Variants in ZNF487 observed in about 807,000 individuals in gnomAD.
ZNF487 encodes zinc finger protein 487.
In ZNF487, 4 loss-of-function variants were observed where a neutral mutation model predicts 3.0. The ratio of observed to expected loss-of-function variants is 1.35; its 90% CI spans 0.66 to 3.08. The LOEUF (loss-of-function observed/expected upper bound fraction) is 3.08, where lower values mean the gene tolerates loss of function less well. Among genes scored for constraint, ZNF487 ranks in the 30% most tolerant of loss-of-function variants. The pLI is 0.01. For missense variants in ZNF487, 146 were observed against 98.7 expected (o/e 1.48, Z -2.03); for synonymous variants, 55 against 34.6 (o/e 1.59, Z -2.06).
chr10:43,504,425 C>G, the ZNF487 span, among the ~76,000 whole-genome samples: 1 of 150,900 alleles, frequency 6.6e-6, no homozygotes, highest in South Asian at 2.1e-4. Flanking sequence ...TCCCAAGTAG[C>G]TGGGATTGCA....
intron 3 of ZNF487, among the ~76,000 whole-genome samples, chr10:43,477,778 G>A (rs759638977): frequency 1.4e-4 from 21 of 150,892 alleles, no homozygotes; most frequent in Non-Finnish European, 2.5e-4. Flanking sequence ...ATGGTGAAAC[G>A]CCGTCTCTAC....
At chr10:43,515,440 T>C in the ZNF487 span, among the ~76,000 whole-genome samples, 1 of 152,188 alleles carries the variant, frequency 6.6e-6, no homozygotes, top group Non-Finnish European at 1.5e-5. Context: ...ATGTTGCCAC[T>C]ACCAGGGATG....
chr10:43,514,975 C>A, the ZNF487 span, among the ~76,000 whole-genome samples: 5 of 152,226 alleles, frequency 3.3e-5, no homozygotes, highest in Non-Finnish European at 5.9e-5. Flanking sequence ...GCATATCCAG[C>A]TTGCTCACAG....
At chr10:43,441,146 C>G (rs1041518967) in intron 1 of ZNF487, among the ~76,000 whole-genome samples, 2 of 144,976 alleles carry the variant, frequency 1.4e-5, no homozygotes, top group Non-Finnish European at 3.0e-5. Context: ...ACCTCAGCCT[C>G]TCAAAGTGCA....
the ZNF487 span, among the ~76,000 whole-genome samples, chr10:43,494,386 T>C: frequency 6.6e-6 from 1 of 152,176 alleles, no homozygotes; most frequent in Non-Finnish European, 1.5e-5. Context: ...CTGTACAGAA[T>C]GGGGCAGGCC....
intron 3 of ZNF487, among the ~76,000 whole-genome samples, chr10:43,480,735 T>A (rs958062474): frequency 6.6e-6 from 1 of 152,092 alleles, no homozygotes; most frequent in Non-Finnish European, 1.5e-5. Flanking sequence ...TCTCTTTTTT[T>A]TTTTTAATAA....
At chr10:43,465,672 C>T (rs1464947947) in intron 1 of ZNF487, among the ~76,000 whole-genome samples, 8 of 150,648 alleles carry the variant, frequency 5.3e-5, no homozygotes, top group Non-Finnish European at 1.2e-4. Context: ...GATGGGATGG[C>T]GGGCGGGCAG....
At chr10:43,439,268 C>T (rs1268371893) in intron 1 of ZNF487, among the ~76,000 whole-genome samples, 1 of 151,764 alleles carries the variant, frequency 6.6e-6, no homozygotes, top group Non-Finnish European at 1.5e-5. Context: ...GGCATTGTGG[C>T]ATGTGCCTGT....
intron 1 of ZNF487, among the ~76,000 whole-genome samples, chr10:43,449,967 C>T (rs968820639): frequency 1.3e-5 from 2 of 152,146 alleles, no homozygotes; most frequent in African/African-American, 4.8e-5. Flanking sequence ...GTGTGAGCCA[C>T]CATGCCAGGC....
intron 1 of ZNF487, among the ~76,000 whole-genome samples, chr10:43,466,561 C>T (rs1228504018): frequency 1.3e-5 from 2 of 151,142 alleles, no homozygotes; most frequent in South Asian, 2.1e-4. Context: ...CACCACCACA[C>T]CCAGCTAATT....
At chr10:43,504,128 G>A in the ZNF487 span, among the ~76,000 whole-genome samples, 2 of 152,040 alleles carry the variant, frequency 1.3e-5, no homozygotes, top group Non-Finnish European at 2.9e-5. Flanking sequence ...TCAGAAATGT[G>A]TCACTGTCAT....
chr10:43,457,007 T>C (rs1266637876), intron 1 of ZNF487, among the ~76,000 whole-genome samples: 3 of 152,158 alleles, frequency 2.0e-5, no homozygotes, highest in Non-Finnish European at 4.4e-5. Context: ...TGTGGGTGCT[T>C]CCACCATGCT....
In ZNF487 at chr10:43,472,380, C is replaced by T. The variant is rs536835447; in HGVS notation, c.-93-3341C>T. Among the ~76,000 whole-genome samples, 8 of 152,176 alleles carry T rather than the reference C, an allele frequency of 5.3e-5. No individual in the cohort carries two copies. The South Asian group carries it at 1.4e-3, about 28-fold the overall frequency. On this transcript the variant is annotated intron_variant, in intron 1 of 3. Transcript: ENST00000437590. ...GGAATTATTTTTGAACTGTTTTTTT[C>T]TTGTCTTACACATCTTATTTGTCAG...
chr10:43,462,506 A>G (rs1299355199), intron 1 of ZNF487, among the ~76,000 whole-genome samples: 2 of 135,726 alleles, frequency 1.5e-5, no homozygotes, highest in Admixed American at 1.7e-4. Flanking sequence ...ACCAGGCTGG[A>G]GTGCAGTGGC....
chr10:43,515,276 T>G, the ZNF487 span, among the ~76,000 whole-genome samples: 1 of 152,150 alleles, frequency 6.6e-6, no homozygotes, highest in Non-Finnish European at 1.5e-5. Flanking sequence ...GGGACTTTAG[T>G]TATAGGTCTA....
At chr10:43,475,905 T>C in intron 2 of ZNF487, 58 bp downstream of exon 2, 1 of 677,740 alleles carries the variant, frequency 1.5e-6, no homozygotes, top group Non-Finnish European at 2.7e-6. Context: ...TAGCTGCTGA[T>C]TACAGATGGT....
At chr10:43,437,101 G>C (rs974814695), upstream of ZNF487, 2 of 303,716 alleles carry the variant, frequency 6.6e-6, no homozygotes, top group South Asian at 2.3e-5. Context: ...GCCCCTCGGC[G>C]GCCCCGCCCA....
At chr10:43,462,543 C>T (rs1484560417) in intron 1 of ZNF487, among the ~76,000 whole-genome samples, 1 of 143,268 alleles carries the variant, frequency 7.0e-6, no homozygotes, top group Non-Finnish European at 1.5e-5. Context: ...GCAACCTTGG[C>T]CTCCTGGGTT....
At chr10:43,473,045 C>CAAA (rs375326367) in intron 1 of ZNF487, among the ~76,000 whole-genome samples, 5 of 78,556 alleles carry the variant, frequency 6.4e-5, no homozygotes, top group African/African-American at 8.8e-5. Flanking sequence ...GACTCTGTCT[C>CAAA]AAAAAAAAAA....
Sources: gnomAD v4.1 joint callset for allele counts (sites outside exome capture counted in the v4.1 genomes callset) on GRCh38, gnomAD v4.1.1 for gene constraint, MANE v1.5 for transcripts, NCBI Gene and HGNC (gene_info 2026-07-23, HGNC 2026-07-21) for gene names.